Variants in PYGB observed in about 807,000 individuals in gnomAD.
PYGB encodes glycogen phosphorylase, brain form.
A neutral mutation model predicts 94.3 loss-of-function variants in PYGB; 82 were observed. The ratio of observed to expected loss-of-function variants is 0.87; its 90% confidence interval spans 0.73 to 1.04. PYGB has a LOEUF of 1.04. PYGB is among the 50% of genes least tolerant of loss of function. PYGB has a pLI of 0.00. For missense variants in PYGB, 1,132 were observed against 1,158.2 expected, an observed-to-expected ratio of 0.98 and a Z score of 0.33; for synonymous variants, 488 against 479.1, an observed-to-expected ratio of 1.02 and a Z score of -0.24.
At position 25,278,375 on chromosome 20, in the gene PYGB, G is replaced by A. The variant is rs200070805; in HGVS notation, c.912G>A (p.Thr304=). Residue 304 remains threonine (T), a synonymous_variant, in exon 8 of 20, where the codon ACG becomes ACA. Coordinates refer to ENST00000216962, the MANE Select transcript of PYGB (RefSeq NM_002862.4). The part of the protein sequence containing the change: ...LKQEYFVVAA[T]LQDIIRRFKS... ...AGGAGTACTTCGTGGTGGCCGCCACGCTCCAGGACATCATCCGCCGCTTCA... is the reference window on the plus strand; with the variant it reads ...AGGAGTACTTCGTGGTGGCCGCCACACTCCAGGACATCATCCGCCGCTTCA... 185 of 1,604,012 alleles carry A rather than the reference G, an allele frequency of 1.2e-4. 1 individual carries two copies. The highest frequency in any genetic ancestry group is 3.3e-4 in the Middle Eastern group (2 of 6,050).
rs1421590028 is a variant in PYGB at position 25,289,808 on chromosome 20, T to G, written c.1828-673T>G. On this transcript the variant is annotated intron_variant, in intron 15 of 19. Transcript: ENST00000216962. ...TTACATACGTCAGCATTCCTTTTCA[T>G]AAAATGATGTTTTCCACCAGAACCA... The G allele has an allele frequency of 3.8e-6, 2 of 533,278 alleles. 1 individual carries two copies. The highest frequency in any genetic ancestry group is 2.8e-5 in the South Asian group (2 of 71,554). 33.0% of individuals were successfully genotyped at this position (533,278 alleles called of 1,614,324 possible).
rs547707995 is a variant in PYGB, at chr20:25,266,446, T to C, written c.346-2683T>C. Among the ~76,000 whole-genome samples the C allele has an allele frequency of 3.9e-5, 6 of 152,244 alleles. No homozygotes were observed. In the East Asian group the frequency reaches 1.2e-3, roughly 29 times the overall value. The stretch of plus-strand genomic sequence containing the variant: ...ATAAGAGCTAAAAGAATACAACTTT[T>C]AGAAAAATATATAGGGATCAATCTT... On this transcript the variant is annotated intron_variant, in intron 2 of 19. Transcript: ENST00000216962.
chr20:25,294,692 G>A (rs750101877), intron 18 of PYGB: 10 of 593,088 alleles, frequency 1.7e-5, no homozygotes, highest in Non-Finnish European at 3.0e-5. Flanking sequence ...CGCGGCAGGC[G>A]TCAGTGCCAG....
intron 4 of PYGB, among the ~76,000 whole-genome samples, chr20:25,273,348 T>G (rs1034209116): frequency 3.3e-5 from 5 of 151,738 alleles, no homozygotes; most frequent in Admixed American, 1.3e-4. Flanking sequence ...CATGGGGAGG[T>G]GCCTGCTGTG....
intron 1 of PYGB, among the ~76,000 whole-genome samples, chr20:25,254,111 C>T (rs1416334616): frequency 4.0e-5 from 6 of 151,252 alleles, no homozygotes; most frequent in Admixed American, 6.6e-5. Flanking sequence ...CTTGTTGCCC[C>T]TTCACCCCCA....
intron 5 of PYGB, among the ~76,000 whole-genome samples, chr20:25,275,522 A>G (rs2088303543): frequency 6.6e-6 from 1 of 152,216 alleles, no homozygotes; most frequent in Non-Finnish European, 1.5e-5. Flanking sequence ...GTGCAGAGGG[A>G]GTTGTCTTGA....
At chr20:25,268,156 C>T in intron 2 of PYGB, among the ~76,000 whole-genome samples, 1 of 9,058 alleles carries the variant, frequency 1.1e-4, no homozygotes, top group South Asian at 6.5e-3. Context: ...TAAATCCTAG[C>T]ACCCGCCCCC....
intron 9 of PYGB, 60 bp from the exon 10 acceptor site, chr20:25,280,206 A>C: frequency 3.2e-6 from 5 of 1,575,130 alleles, no homozygotes; most frequent in South Asian, 1.1e-5. Context: ...TGCCTAGGCA[A>C]CTGGCCAGAG....
intron 14 of PYGB, 62 bp from the exon 15 acceptor site, chr20:25,288,363 C>T (rs2088436426): frequency 6.3e-7 from 1 of 1,581,702 alleles, no homozygotes; most frequent in African/African-American, 1.3e-5. Flanking sequence ...TGCTGCTGGG[C>T]CCCAGCAGGG....
At chr20:25,255,534 G>T (rs1317433068) in intron 1 of PYGB, among the ~76,000 whole-genome samples, 1 of 152,232 alleles carries the variant, frequency 6.6e-6, no homozygotes, top group Non-Finnish European at 1.5e-5. Flanking sequence ...GTGGCAGGGA[G>T]GGACACTCTG....
At chr20:25,293,904 T>C (rs1440009081) in intron 17 of PYGB, 9 of 530,964 alleles carry the variant, frequency 1.7e-5, no homozygotes, top group Non-Finnish European at 3.1e-5. Context: ...GATCTGCTAG[T>C]GATGACATTT....
chr20:25,283,305 A>C (rs2123579629), intron 13 of PYGB, 28 bp downstream of exon 13: 2 of 1,581,574 alleles, frequency 1.3e-6, no homozygotes, highest in East Asian at 4.5e-5. Context: ...CCCAGCCCCG[A>C]CCCCAGCCCT....
At position 25,269,140 on chromosome 20, in the gene PYGB, C is replaced by T. The variant is rs150302624; in HGVS notation, c.357C>T (p.Asp119=). The change falls in exon 3 of 20, where the codon GAC becomes GAT. Residue 119 remains aspartate (D), a synonymous_variant. Coordinates refer to ENST00000216962, the MANE Select transcript of PYGB (RefSeq NM_002862.4). ...CDEAIYQLGL[D]LEELEEIEED... The stretch of plus-strand genomic sequence containing the variant: ...GTTTTTGTTTGCAGTTGGGGTTAGA[C>T]TTGGAGGAACTCGAGGAGATAGAAG... 6.3e-7 allele frequency: 1 copy of T among 1,588,062 alleles called. No homozygotes were observed. Among genetic ancestry groups the T allele is most frequent in the South Asian group, 1.1e-5 (1 of 90,540 alleles).
chr20:25,249,407 C>T (rs2092881349), intron 1 of PYGB, among the ~76,000 whole-genome samples: 1 of 152,182 alleles, frequency 6.6e-6, no homozygotes, highest in Admixed American at 6.5e-5. Flanking sequence ...AACTCTTGAC[C>T]ATGGAGAATT....
At chr20:25,295,698 G>T (rs2088531113) in intron 19 of PYGB, 28 bp downstream of exon 19, 1 of 1,586,004 alleles carries the variant, frequency 6.3e-7, no homozygotes, top group Admixed American at 1.7e-5. Context: ...AGAGGCTAGG[G>T]GAGCAGCTGG....
chr20:25,269,638 C>T (rs1490745418), intron 3 of PYGB, among the ~76,000 whole-genome samples: 1 of 152,186 alleles, frequency 6.6e-6, no homozygotes, highest in African/African-American at 2.4e-5. Context: ...TCAGCCCTCT[C>T]CACCTCCCGG....
chr20:25,294,933 T>C, intron 18 of PYGB: 2 of 1,609,666 alleles, frequency 1.2e-6, no homozygotes, highest in Non-Finnish European at 8.5e-7. Context: ...TTTAGTTTTG[T>C]CTGCTGCTCT....
intron 2 of PYGB, among the ~76,000 whole-genome samples, chr20:25,262,167 C>T (rs570855957): frequency 6.6e-6 from 1 of 152,274 alleles, no homozygotes; most frequent in East Asian, 1.9e-4. Flanking sequence ...AACTCCAAGG[C>T]TCATAATTGT....
intron 6 of PYGB, 150 bp downstream of exon 6, chr20:25,276,907 G>A (rs572033244): frequency 1.3e-6 from 1 of 742,914 alleles, no homozygotes; most frequent in African/African-American, 1.8e-5. Flanking sequence ...AGTGAAGAGC[G>A]AGGCTGGTGC....
Sources: gnomAD v4.1 joint callset for allele counts (sites outside exome capture counted in the v4.1 genomes callset) on GRCh38, gnomAD v4.1.1 for gene constraint, MANE v1.5 for transcripts, NCBI Gene and HGNC (gene_info 2026-07-23, HGNC 2026-07-21) for gene names.